ZNF140: variants seen among roughly 807,000 people sequenced by gnomAD.
ZNF140 encodes the protein zinc finger protein 140.
A neutral mutation model predicts 12.9 loss-of-function variants in ZNF140; 13 were observed. That is an observed-to-expected ratio of 1.01 (90% CI 0.66 to 1.60). The LOEUF (loss-of-function observed/expected upper bound fraction) is 1.60. ZNF140 is among the 40% of genes most tolerant of loss of function. ZNF140 has a pLI of 0.00. For missense variants in ZNF140, 531 were observed against 548.8 expected (o/e 0.97, Z 0.32); for synonymous variants, 214 against 186.7 (o/e 1.15, Z -1.19).
intron 4 of ZNF140, among the ~76,000 whole-genome samples, chr12:133,095,969 C>T (rs892063800): frequency 2.1e-4 from 32 of 151,184 alleles, no homozygotes; most frequent in Non-Finnish European, 3.7e-4. Context: ...CAGGGGCAGG[C>T]AGGAGACAGT....
At position 133,081,298 on chromosome 12, in the gene ZNF140, C is replaced by A; in HGVS notation, c.-23C>A. On this transcript the variant is annotated 5_prime_UTR_variant, in exon 2 of 5. Transcript: ENST00000355557. ...GTCTGCCATTTTACACTTTTCTGAT[C>A]TCCTCCTTCCCTTCTGTGAGCTATG... is the stretch of plus-strand genomic sequence containing the variant. The A allele has an allele frequency of 6.5e-7, 1 of 1,535,882 alleles. No individual in the cohort carries two copies. Among genetic ancestry groups the A allele is most frequent in the Non-Finnish European group, 8.8e-7 (1 of 1,131,110 alleles).
At chr12:133,101,399 A>G (rs2137568349) in intron 4 of ZNF140, among the ~76,000 whole-genome samples, 1 of 152,108 alleles carries the variant, frequency 6.6e-6, no homozygotes, top group South Asian at 2.1e-4. Context: ...CTATTGAGAT[A>G]TCTACACAGA....
Position 133,083,081 on chromosome 12 carries a change from A to G in ZNF140, c.10-22A>G. The G allele has an allele frequency of 1.9e-6, 3 of 1,614,186 alleles. 1 individual carries two copies. Among genetic ancestry groups the G allele is most frequent in the Non-Finnish European group, 2.5e-6 (3 of 1,180,012 alleles). ...TTGGGGGCATGCGTGCTGGTCATGC[A>G]AATATCTGTCCGTCATTTCAGGGGT... On this transcript the variant is annotated intron_variant, in intron 2 of 4. Coordinates refer to ENST00000355557, the MANE Select transcript of ZNF140 (RefSeq NM_003440.4).
intron 4 of ZNF140, chr12:133,100,991 C>G: frequency 2.2e-6 from 1 of 455,052 alleles, no homozygotes. Flanking sequence ...ACAAAGGTAA[C>G]TGAAGTGGTG....
intron 4 of ZNF140, among the ~76,000 whole-genome samples, chr12:133,095,964 G>A (rs370813330): frequency 7.3e-5 from 11 of 151,260 alleles, no homozygotes; most frequent in South Asian, 6.3e-4. Context: ...GTTCCCAGGG[G>A]CAGGCAGGAG....
chr12:133,083,877 G>A lies in ZNF140; in HGVS notation c.232+316G>A, dbSNP rs61953757. On this transcript the variant is annotated intron_variant, in intron 4 of 4. Transcript: ENST00000355557. ...TGGGAGGCTGAGGCAGGAGCATGGC[G>A]TGAACCCGGGAGGCAGAGCTTGCAG... 8.7e-3 allele frequency among the ~76,000 whole-genome samples: 1,318 copies of A among 151,740 alleles called. 6 individuals are homozygous for A. The highest frequency in any genetic ancestry group is 0.012 in the Non-Finnish European group (831 of 67,920).
At position 133,083,542 on chromosome 12, in the gene ZNF140, G is replaced by GA; in HGVS notation, c.217dup (p.Arg73LysfsTer12). On this transcript the variant is annotated frameshift_variant, in exon 4 of 5. Transcript: ENST00000355557. LOFTEE classifies it low-confidence loss of function (END_TRUNC). ...AACCCTGGCTGGGGAAAAGGGAAGTGAAAAGAGATCTGTTTTCAGGTGAGT... is the reference window on the plus strand; with the variant it reads ...AACCCTGGCTGGGGAAAAGGGAAGTGAAAAAGAGATCTGTTTTCAGGTGAGT... 6.2e-7 allele frequency: 1 copy of GA among 1,614,122 alleles called. No individual in the cohort carries two copies. Among genetic ancestry groups the GA allele is most frequent in the East Asian group, 2.2e-5 (1 of 44,878 alleles).
intron 2 of ZNF140, chr12:133,081,638 A>G: frequency 2.2e-6 from 1 of 449,842 alleles, no homozygotes; most frequent in African/African-American, 2.0e-5. Flanking sequence ...GTATACATGA[A>G]GAGAGTGACA....
intron 4 of ZNF140, among the ~76,000 whole-genome samples, chr12:133,095,201 G>A (rs1421119718): frequency 6.0e-5 from 9 of 150,958 alleles, no homozygotes; most frequent in Non-Finnish European, 1.2e-4. Context: ...GGAAACCATG[G>A]GCAGAATTGT....
intron 4 of ZNF140, chr12:133,093,478 T>G (rs1344731857): frequency 1.4e-6 from 1 of 699,646 alleles, no homozygotes. Context: ...TCCGCTTTCT[T>G]GGTAGATGGA....
intron 4 of ZNF140, among the ~76,000 whole-genome samples, chr12:133,090,201 A>G (rs1442502816): frequency 1.3e-5 from 2 of 152,050 alleles, no homozygotes; most frequent in African/African-American, 2.4e-5. Context: ...ATGCAGTGCC[A>G]CAATCGTAGC....
chr12:133,091,431 A>T (rs1180441023), intron 4 of ZNF140, among the ~76,000 whole-genome samples: 1 of 151,288 alleles, frequency 6.6e-6, no homozygotes, highest in Non-Finnish European at 1.5e-5. Flanking sequence ...CAAATTAACA[A>T]CATCTCAGCA....
At chr12:133,095,736 CAAAAGAATCTATGTCAT>C (rs1191787930) in intron 4 of ZNF140, among the ~76,000 whole-genome samples, 7 of 151,376 alleles carry the variant, frequency 4.6e-5, no homozygotes, top group Non-Finnish European at 8.8e-5. Context: ...AACATGTGAG[CAAAAGAATCTATGTCAT>C]AATTAGGTTT....
chr12:133,105,507 C>A lies in ZNF140; in HGVS notation c.233-3C>A. 1 of 1,569,396 alleles carries A rather than the reference C, an allele frequency of 6.4e-7. No individual in the cohort carries two copies. Among genetic ancestry groups the A allele is most frequent in the South Asian group, 1.2e-5 (1 of 83,914 alleles). ...CATTCACTTTTTTTTTGGTATCTTT[C>A]AGTTTCAGAGTCAAGTGGTGAGATC... On this transcript the variant is annotated splice_region_variant and splice_polypyrimidine_tract_variant and intron_variant, in intron 4 of 4. Transcript: ENST00000355557.
Position 133,105,571 on chromosome 12 carries a change from A to T in ZNF140, c.294A>T (p.Ser98=). ...FSPKNVIYDD[S]SQYLIMERIL... ...CAAAAAATGTCATTTATGATGACTCATCCCAGTATTTGATCATGGAAAGAA... is the reference window on the plus strand; with the variant it reads ...CAAAAAATGTCATTTATGATGACTCTTCCCAGTATTTGATCATGGAAAGAA... The change falls in exon 5 of 5, where the codon TCA becomes TCT. Residue 98 remains serine, a synonymous_variant. Transcript: ENST00000355557. 6.2e-7 allele frequency: 1 copy of T among 1,614,016 alleles called. No individual in the cohort carries two copies. The highest frequency in any genetic ancestry group is 8.5e-7 in the Non-Finnish European group (1 of 1,179,976).
chr12:133,089,931 C>T (rs1954800686), intron 4 of ZNF140, among the ~76,000 whole-genome samples: 1 of 151,588 alleles, frequency 6.6e-6, no homozygotes, highest in Admixed American at 6.6e-5. Flanking sequence ...CTTACTGCAG[C>T]CTCTGCCTCC....
At chr12:133,080,856 C>G (rs1008242445), upstream of ZNF140, 7 of 152,710 alleles carry the variant, frequency 4.6e-5, no homozygotes, top group East Asian at 1.4e-3. Context: ...GGGGTGACGT[C>G]GGCGAGGCTT....
rs532026899 is a variant in ZNF140, at chr12:133,106,938, C to G, written c.*287C>G. 1.1e-4 allele frequency: 27 copies of G among 240,424 alleles called. No homozygotes were observed. The East Asian group carries it at 1.4e-3, about 12-fold the overall frequency. The allele number at this position is 240,424 out of a possible 1,614,324, so 14.9% of individuals were successfully genotyped here. Reference sequence around the variant, plus strand: ...AGAAGACTTCATTTGGTAGGAGTCCCTTACTTTACGTGTGTAAATTCCTAC... The same window carrying G: ...AGAAGACTTCATTTGGTAGGAGTCCGTTACTTTACGTGTGTAAATTCCTAC... On this transcript the variant is annotated 3_prime_UTR_variant, in exon 5 of 5. Coordinates refer to ENST00000355557, the MANE Select transcript of ZNF140 (RefSeq NM_003440.4).
chr12:133,089,534 A>G (rs940316423), intron 4 of ZNF140, among the ~76,000 whole-genome samples: 2 of 152,076 alleles, frequency 1.3e-5, no homozygotes, highest in Non-Finnish European at 2.9e-5. Flanking sequence ...TCTTTGCTAG[A>G]TACAGGCCTA....
Sources: gnomAD v4.1 joint callset for allele counts (sites outside exome capture counted in the v4.1 genomes callset) on GRCh38, gnomAD v4.1.1 for gene constraint, MANE v1.5 for transcripts, NCBI Gene and HGNC (gene_info 2026-07-23, HGNC 2026-07-21) for gene names.